TBC1D4: variants seen among roughly 807,000 people sequenced by gnomAD.
TBC1D4 encodes the protein TBC1 domain family member 4.
TBC1D4 carries 121 observed loss-of-function variants against 142.5 expected under a neutral mutation model. The ratio of observed to expected loss-of-function variants is 0.85; its 90% CI spans 0.73 to 0.99. The LOEUF (loss-of-function observed/expected upper bound fraction) is 0.99. Among genes scored for constraint, TBC1D4 ranks in the 50% least tolerant of loss-of-function variants. TBC1D4 has a pLI of 0.00. For synonymous variants in TBC1D4, 630 were observed against 628.2 expected (o/e 1.00, Z -0.04); for missense variants, 1,475 against 1,606.6 (o/e 0.92, Z 1.40).
At chr13:75,399,711 CATAA>C (rs1018411445) in intron 1 of TBC1D4, among the ~76,000 whole-genome samples, 5 of 152,202 alleles carry the variant, frequency 3.3e-5, no homozygotes, top group African/African-American at 1.2e-4. Context: ...AATATGCACC[CATAA>C]ATTCTTTGAT....
Position 75,287,379 on chromosome 13 carries a change from T to C in TBC1D4, c.3664-354A>G, listed in dbSNP as rs1019757976. On this transcript the variant is annotated intron_variant, in intron 20 of 20. Coordinates refer to ENST00000377636, the MANE Select transcript of TBC1D4 (RefSeq NM_014832.5). ...GACACTATTGCAGTGCTAAAAGAGATTTTCCTTCTCTGACTGAAATACGGC... is the reference window on the plus strand; with the variant it reads ...GACACTATTGCAGTGCTAAAAGAGACTTTCCTTCTCTGACTGAAATACGGC... Among the ~76,000 whole-genome samples, 4 of 152,176 alleles carry C rather than the reference T, an allele frequency of 2.6e-5. No individual in the cohort carries two copies. The East Asian group carries it at 7.7e-4, about 29-fold the overall frequency.
chr13:75,341,476 A>C lies in TBC1D4; in HGVS notation c.1500+20T>G. 1 of 1,604,852 alleles carries C rather than the reference A, an allele frequency of 6.2e-7. No individual in the cohort carries two copies. Among genetic ancestry groups the C allele is most frequent in the Non-Finnish European group, 8.5e-7 (1 of 1,171,590 alleles). The stretch of plus-strand genomic sequence containing the variant: ...TCTCATTCCTTATGTCTTATTTATG[A>C]GACCTACAAATAATGTTACCTGAAC... On this transcript the variant is annotated intron_variant, in intron 6 of 20. Transcript: ENST00000377636.
intron 8 of TBC1D4, among the ~76,000 whole-genome samples, chr13:75,330,773 T>C (rs1050681138): frequency 1.3e-5 from 2 of 152,252 alleles, no homozygotes; most frequent in African/African-American, 4.8e-5. Flanking sequence ...CAAATTCTTT[T>C]CAGTTCTTCA....
rs981667892 is a variant in TBC1D4, at chr13:75,341,237, T to C, written c.1501-2A>G. 6 of 1,613,206 alleles carry C rather than the reference T, an allele frequency of 3.7e-6. No homozygotes were observed. Among genetic ancestry groups the C allele is most frequent in the Non-Finnish European group, 5.1e-6 (6 of 1,179,336 alleles). On this transcript the variant is annotated splice_acceptor_variant, in intron 6 of 20. Transcript: ENST00000377636. LOFTEE classifies it high-confidence loss of function. ...CTGGTCACTGACTGGCTTCATTTTC[T>C]GTTCAACAGACAAACCAAAAGAACA...
At chr13:75,292,737 AC>A (rs1418832485) in intron 18 of TBC1D4, among the ~76,000 whole-genome samples, 2,087 of 150,420 alleles carry the variant, frequency 0.014, 46 homozygotes, top group African/African-American at 0.048. Context: ...AAAAAAAAAA[AC>A]ATTAACAGAA....
At chr13:75,427,651 C>T (rs759513326) in intron 1 of TBC1D4, among the ~76,000 whole-genome samples, 4 of 152,228 alleles carry the variant, frequency 2.6e-5, no homozygotes, top group South Asian at 2.1e-4. Flanking sequence ...AGACCTCCCT[C>T]GGCACTTGCC....
chr13:75,402,654 A>AACACAC (rs56176942), intron 1 of TBC1D4, among the ~76,000 whole-genome samples: 28,770 of 142,214 alleles, frequency 0.2, 3,342 homozygotes, highest in East Asian at 0.38. Context: ...ATCCCTAGTA[A>AACACAC]ACACACACAC....
At position 75,417,222 on chromosome 13, in the gene TBC1D4, C is replaced by T. The variant is rs564749711; in HGVS notation, c.499-54615G>A. On this transcript the variant is annotated intron_variant, in intron 1 of 20. Coordinates refer to ENST00000377636, the MANE Select transcript of TBC1D4 (RefSeq NM_014832.5). The stretch of plus-strand genomic sequence containing the variant: ...TTGCTGCCCCCTCGCTGAAATGGGG[C>T]TCACAGCACAACTGCCACTTGCCCT... 3.3e-5 allele frequency among the ~76,000 whole-genome samples: 5 copies of T among 152,292 alleles called. No individual in the cohort carries two copies. In the South Asian group the frequency reaches 1.0e-3, roughly 32 times the overall value.
intron 1 of TBC1D4, among the ~76,000 whole-genome samples, chr13:75,372,212 C>T (rs941709887): frequency 2.3e-4 from 35 of 152,194 alleles, no homozygotes; most frequent in East Asian, 1.4e-3. Context: ...GATCAGCCTA[C>T]TATCTATTTA....
At chr13:75,308,343 T>C (rs1024171880) in intron 14 of TBC1D4, among the ~76,000 whole-genome samples, 1 of 152,156 alleles carries the variant, frequency 6.6e-6, no homozygotes, top group Admixed American at 6.5e-5. Flanking sequence ...TATATTAACA[T>C]ACACAGCTGA....
At chr13:75,471,133 T>C (rs1025328413) in intron 1 of TBC1D4, among the ~76,000 whole-genome samples, 17 of 151,916 alleles carry the variant, frequency 1.1e-4, no homozygotes, top group African/African-American at 4.1e-4. Context: ...CTCCACTTAT[T>C]AAAATGAACA....
chr13:75,447,215 G>A (rs981316375), intron 1 of TBC1D4, among the ~76,000 whole-genome samples: 17 of 152,014 alleles, frequency 1.1e-4, no homozygotes, highest in African/African-American at 2.9e-4. Flanking sequence ...TTATATCAAC[G>A]GTAGAAGTAT....
rs190088271 is a variant in TBC1D4, at chr13:75,401,979, C to A, written c.499-39372G>T. Among the ~76,000 whole-genome samples the A allele has an allele frequency of 1.6e-4, 25 of 152,334 alleles. 1 individual carries two copies. The highest frequency in any genetic ancestry group is 1.6e-3 in the Admixed American group (24 of 15,306). ...TTTGCTGAAGTGAACACTTCAAACA[C>A]AAACTCTGCTTGGAATCTCCTGAAA... On this transcript the variant is annotated intron_variant, in intron 1 of 20. Coordinates refer to ENST00000377636, the MANE Select transcript of TBC1D4 (RefSeq NM_014832.5).
At chr13:75,298,144 T>C (rs192470943) in intron 17 of TBC1D4, among the ~76,000 whole-genome samples, 285 of 152,308 alleles carry the variant, frequency 1.9e-3, no homozygotes, top group Admixed American at 3.0e-3. Flanking sequence ...AAACTATTAC[T>C]TCTTATCTAA....
At chr13:75,295,079 AT>A (rs1489079961) in intron 17 of TBC1D4, 66 bp from the exon 18 acceptor site, 2 of 1,404,410 alleles carry the variant, frequency 1.4e-6, no homozygotes, top group Non-Finnish European at 1.0e-6. Flanking sequence ...AAACACACTG[AT>A]TTTAATTTTA....
In TBC1D4 at chr13:75,284,626, C is replaced by G. The variant is rs1874509615; in HGVS notation, c.*2166G>C. 6.6e-6 allele frequency: 1 copy of G among 152,190 alleles called. No homozygotes were observed. The highest frequency in any genetic ancestry group is 2.1e-4 in the South Asian group (1 of 4,828). 9.4% of individuals were successfully genotyped at this position (152,190 alleles called of 1,614,324 possible). A position where few individuals can be genotyped will look rare whatever the true frequency, so the allele number is the denominator to read the frequency against. On this transcript the variant is annotated 3_prime_UTR_variant, in exon 21 of 21. Coordinates refer to ENST00000377636, the MANE Select transcript of TBC1D4 (RefSeq NM_014832.5). ...CCAGGGACCCCTGCAGTAAAAGACT[C>G]TAACCAAGAGCTGCTTCTCTCCCGA...
chr13:75,327,720 G>A (rs2138016720), intron 9 of TBC1D4, 32 bp downstream of exon 9: 3 of 1,607,266 alleles, frequency 1.9e-6, no homozygotes, highest in Admixed American at 1.7e-5. Context: ...TTGTTAAGTT[G>A]CAATTAGTGT....
chr13:75,365,598 T>C (rs917958028), intron 1 of TBC1D4, among the ~76,000 whole-genome samples: 4 of 152,240 alleles, frequency 2.6e-5, no homozygotes, highest in African/African-American at 4.8e-5. Context: ...TTTGGAATCA[T>C]AGGATTCTCC....
intron 12 of TBC1D4, among the ~76,000 whole-genome samples, 161 bp from the exon 13 acceptor site, chr13:75,313,059 C>T (rs1225947581): frequency 6.6e-6 from 1 of 152,168 alleles, no homozygotes; most frequent in Non-Finnish European, 1.5e-5. Context: ...GTCACCCAGG[C>T]CACCACATCC....
Sources: gnomAD v4.1 joint callset for allele counts (sites outside exome capture counted in the v4.1 genomes callset) on GRCh38, gnomAD v4.1.1 for gene constraint, MANE v1.5 for transcripts, NCBI Gene and HGNC (gene_info 2026-07-23, HGNC 2026-07-21) for gene names.